ABL1: variants seen among roughly 807,000 people sequenced by gnomAD.
The protein encoded by ABL1 is tyrosine-protein kinase ABL1.
In ABL1, 11 loss-of-function variants were observed where a neutral mutation model predicts 94.7. The observed-to-expected ratio is 0.12, with a 90% CI of 0.07 to 0.19. The LOEUF is 0.19. ABL1 is among the 10% of genes least tolerant of loss of function. The pLI, the probability that ABL1 is intolerant of heterozygous loss-of-function variation, is 1.00. For missense variants in ABL1, 1,082 were observed against 1,489.4 expected (o/e 0.73, Z 4.50); for synonymous variants, 656 against 622.4 (o/e 1.05, Z -0.80).
At chr9:130,788,554 AG>A (rs1829862529) in intron 1 of ABL1, among the ~76,000 whole-genome samples, 1 of 152,206 alleles carries the variant, frequency 6.6e-6, no homozygotes, top group African/African-American at 2.4e-5. Context: ...CAATTCTCCC[AG>A]TAATGTCCTT....
intron 1 of ABL1, among the ~76,000 whole-genome samples, chr9:130,782,588 C>G (rs1829769214): frequency 6.6e-6 from 1 of 152,192 alleles, no homozygotes; most frequent in Non-Finnish European, 1.5e-5. Flanking sequence ...TTGGCTCCCA[C>G]ACCTGTGAGA....
intron 1 of ABL1, among the ~76,000 whole-genome samples, chr9:130,804,707 G>A (rs1237057220): frequency 6.6e-6 from 1 of 151,976 alleles, no homozygotes; most frequent in African/African-American, 2.4e-5. Context: ...GATCCTACTG[G>A]ACCTATAAAA....
intron 1 of ABL1, among the ~76,000 whole-genome samples, chr9:130,740,819 A>ATT (rs34323373): frequency 0.038 from 3,744 of 97,766 alleles, 251 homozygotes; most frequent in African/African-American, 0.11. Flanking sequence ...CCACACCCAG[A>ATT]TTTTTTTTTT....
At chr9:130,834,316 A>G (rs1214623681), upstream of ABL1, among the ~76,000 whole-genome samples, 2 of 152,216 alleles carry the variant, frequency 1.3e-5, no homozygotes, top group African/African-American at 4.8e-5. Flanking sequence ...GAAATAAATG[A>G]AATAAATTCC....
rs1754164236 is a variant in ABL1 at position 130,885,720 on chromosome 9, T to G, written c.*37T>G. 1 of 1,581,936 alleles carries G rather than the reference T, an allele frequency of 6.3e-7. No homozygotes were observed. The highest frequency in any genetic ancestry group is 1.3e-5 in the African/African-American group (1 of 74,470). ...GGTCAGGTGTCAGGCCCGTCGGAGC[T>G]GCCTGCAGCACATGCGGGCTCGCCC... On this transcript the variant is annotated 3_prime_UTR_variant, in exon 11 of 11. Coordinates refer to ENST00000318560, the MANE Select transcript of ABL1 (RefSeq NM_005157.6).
At chr9:130,832,975 G>A (rs896953878), upstream of ABL1, among the ~76,000 whole-genome samples, 1 of 151,990 alleles carries the variant, frequency 6.6e-6, no homozygotes, top group African/African-American at 2.4e-5. Context: ...GTTGATGTAT[G>A]GTTTTATAAC....
At chr9:130,762,126 A>G (rs1271367353) in intron 1 of ABL1, among the ~76,000 whole-genome samples, 1 of 141,408 alleles carries the variant, frequency 7.1e-6, no homozygotes, top group Non-Finnish European at 1.5e-5. Context: ...CTGGGCAACA[A>G]GAGCGAAACT....
intron 1 of ABL1, among the ~76,000 whole-genome samples, chr9:130,815,448 T>C (rs770670409): frequency 2.0e-5 from 3 of 152,170 alleles, no homozygotes; most frequent in Admixed American, 6.6e-5. Flanking sequence ...CCAGGGCCAA[T>C]AACTTTGGGA....
intron 1 of ABL1, among the ~76,000 whole-genome samples, chr9:130,779,243 A>T (rs1588235765): frequency 6.6e-6 from 1 of 152,330 alleles, no homozygotes; most frequent in African/African-American, 2.4e-5. Flanking sequence ...TGCACCGGAG[A>T]TGTGTGTGCC....
At chr9:130,754,741 A>G (rs4237120) in intron 1 of ABL1, among the ~76,000 whole-genome samples, 44,082 of 151,700 alleles carry the variant, frequency 0.29, 8,705 homozygotes, top group East Asian at 0.53. Context: ...AGATAGGAAG[A>G]TATAGATGGG....
chr9:130,738,577 A>G (rs1052565077), intron 1 of ABL1, among the ~76,000 whole-genome samples: 1 of 152,156 alleles, frequency 6.6e-6, no homozygotes, highest in Non-Finnish European at 1.5e-5. Context: ...TTTCATTATC[A>G]TGTTGATGAG....
chr9:130,846,975 G>A (rs1389815364), intron 1 of ABL1, among the ~76,000 whole-genome samples: 1 of 152,134 alleles, frequency 6.6e-6, no homozygotes, highest in Admixed American at 6.5e-5. Flanking sequence ...AGTGAATTCT[G>A]TGGCCTGGTT....
chr9:130,798,078 T>C (rs1830004184), intron 1 of ABL1, among the ~76,000 whole-genome samples: 1 of 152,262 alleles, frequency 6.6e-6, no homozygotes, highest in African/African-American at 2.4e-5. Flanking sequence ...TGTCAAATAC[T>C]TTTTGATTGA....
intron 1 of ABL1, among the ~76,000 whole-genome samples, chr9:130,732,178 G>A (rs998137788): frequency 6.6e-6 from 1 of 152,098 alleles, no homozygotes; most frequent in Admixed American, 6.6e-5. Context: ...GCAGGTTCAG[G>A]CATTGAACAA....
At chr9:130,714,640 T>A in intron 1 of ABL1, 1 of 804,958 alleles carries the variant, frequency 1.2e-6, no homozygotes, top group Non-Finnish European at 2.1e-6. Context: ...ACTTCGGCTT[T>A]ATTCAAAATC....
intron 1 of ABL1, among the ~76,000 whole-genome samples, chr9:130,755,877 G>A (rs531967911): frequency 3.3e-5 from 5 of 152,292 alleles, no homozygotes; most frequent in East Asian, 3.9e-4. Context: ...GTTGGTGGCC[G>A]AGGAGGACGA....
At position 130,863,971 on chromosome 9, in the gene ABL1, C is replaced by A. The variant is rs1442496114; in HGVS notation, c.822+936C>A. On this transcript the variant is annotated intron_variant, in intron 4 of 10. Transcript: ENST00000318560. The surrounding 1 kb of genome is among the most constrained non-coding windows in gnomAD (Gnocchi z 4.3). ...ATGTGTCTCAGAAGTCAGGTGCACA[C>A]ATTGAGACTGGTGCAGCCACATGCC... Among the ~76,000 whole-genome samples the A allele has an allele frequency of 6.6e-6, 1 of 152,204 alleles. No individual in the cohort carries two copies. The highest frequency in any genetic ancestry group is 2.4e-5 in the African/African-American group (1 of 41,448).
chr9:130,808,308 A>G (rs1186006574), intron 1 of ABL1, among the ~76,000 whole-genome samples: 3 of 149,958 alleles, frequency 2.0e-5, no homozygotes, highest in African/African-American at 7.4e-5. Flanking sequence ...CAGTGGCACA[A>G]TCTCGGCTCA....
rs375018666 is a variant in ABL1 at position 130,885,146 on chromosome 9, A to T, written c.2856A>T (p.Gly952=). 15 of 1,612,954 alleles carry T rather than the reference A, an allele frequency of 9.3e-6. No individual in the cohort carries two copies. The African/African-American group carries it at 1.5e-4, about 16-fold the overall frequency. ...ACGCTGCCAAGCCCAGCCAGCCGGG[A>T]GAGGGCCTCAAAAAGCCCGTGCTCC... ...NSDAAKPSQP[G]EGLKKPVLPA... Residue 952 remains glycine, a synonymous_variant, in exon 11 of 11, where the codon GGA becomes GGT. Transcript: ENST00000318560.
Sources: gnomAD v4.1 joint callset for allele counts (sites outside exome capture counted in the v4.1 genomes callset) on GRCh38, gnomAD v4.1.1 for gene constraint, Gnocchi (gnomAD v3.1) non-coding constraint, MANE v1.5 for transcripts, NCBI Gene and HGNC (gene_info 2026-07-23, HGNC 2026-07-21) for gene names.